SGSM1: variants seen among roughly 807,000 people sequenced by gnomAD.
SGSM1 encodes the protein RUN and TBC1 domain containing 2.
Under a neutral mutation model 133.8 loss-of-function variants are expected in SGSM1, and 73 were observed. The observed-to-expected ratio is 0.55, with a 90% CI of 0.45 to 0.66. The LOEUF (loss-of-function observed/expected upper bound fraction) is 0.66. Among genes scored for constraint, SGSM1 ranks in the 30% least tolerant of loss-of-function variants. SGSM1 has a pLI of 0.00. For synonymous variants in SGSM1, 563 were observed against 573.0 expected (o/e 0.98, Z 0.25); for missense variants, 1,213 against 1,448.1 (o/e 0.84, Z 2.64).
At chr22:24,822,778 T>A (rs1239731553) in intron 2 of SGSM1, among the ~76,000 whole-genome samples, 1 of 152,016 alleles carries the variant, frequency 6.6e-6, no homozygotes, top group Non-Finnish European at 1.5e-5. Context: ...GCCACTGGGG[T>A]CTCCACTGCA....
chr22:24,886,243 A>G (rs550582542), intron 15 of SGSM1, among the ~76,000 whole-genome samples: 9 of 148,712 alleles, frequency 6.1e-5, no homozygotes, highest in Middle Eastern at 7.4e-3. Flanking sequence ...TCTACTAAAA[A>G]TACAAAAATT....
intron 21 of SGSM1, among the ~76,000 whole-genome samples, chr22:24,911,744 T>C (rs1329625858): frequency 3.3e-5 from 5 of 152,172 alleles, no homozygotes; most frequent in African/African-American, 1.2e-4. Flanking sequence ...CAAAAATACC[T>C]GACCAGTACG....
intron 6 of SGSM1, 27 bp from the exon 7 acceptor site, chr22:24,855,258 G>C (rs1434531849): frequency 1.3e-6 from 2 of 1,597,954 alleles, no homozygotes; most frequent in Non-Finnish European, 8.5e-7. Flanking sequence ...CGGGGCAGTG[G>C]GTTTCCAGCC....
intron 14 of SGSM1, among the ~76,000 whole-genome samples, chr22:24,883,417 C>T (rs1317661211): frequency 6.6e-6 from 1 of 152,188 alleles, no homozygotes; most frequent in Non-Finnish European, 1.5e-5. Flanking sequence ...AGAGGCACAG[C>T]AAGCCCACAG....
intron 5 of SGSM1, among the ~76,000 whole-genome samples, chr22:24,851,143 G>A (rs1930442965): frequency 6.6e-6 from 1 of 151,508 alleles, no homozygotes; most frequent in Non-Finnish European, 1.5e-5. Context: ...TGCATGGTGA[G>A]CCTTTTTAAC....
rs1932480750 is a variant in SGSM1, at chr22:24,884,137, C to T, written c.1580C>T (p.Pro527Leu). 1 of 1,613,908 alleles carries T rather than the reference C, an allele frequency of 6.2e-7. No homozygotes were observed. The highest frequency in any genetic ancestry group is 1.3e-5 in the African/African-American group (1 of 75,032). ...CACATGATCGTGTCTCCAGACTTGC[C>T]CTGCGATGCTGGACAGGGACTGACA... ...VNHMIVSPDLPCDAGQGLTAR... is the reference protein window; with the variant it reads ...VNHMIVSPDLLCDAGQGLTAR... The change falls in exon 15 of 25, where the codon CCC (proline) becomes CTC (leucine). Residue 527 changes from proline to leucine, a missense_variant. By Grantham distance (98) the Pro-to-Leu change is moderately conservative. Coordinates refer to ENST00000400358, the MANE Select transcript of SGSM1 (RefSeq NM_001098497.3).
intron 2 of SGSM1, among the ~76,000 whole-genome samples, chr22:24,808,431 A>G (rs539866817): frequency 2.0e-5 from 3 of 152,274 alleles, no homozygotes; most frequent in African/African-American, 7.2e-5. Context: ...TCTTTTCAAT[A>G]GAACTCACAG....
chr22:24,885,395 A>G (rs1431104726), intron 15 of SGSM1, among the ~76,000 whole-genome samples: 1 of 148,582 alleles, frequency 6.7e-6, no homozygotes, highest in Non-Finnish European at 1.5e-5. Context: ...TAGTTTTACA[A>G]CTTATTTTTT....
At chr22:24,901,992 G>A in intron 20 of SGSM1, 35 bp downstream of exon 20, 2 of 653,982 alleles carry the variant, frequency 3.1e-6, no homozygotes, top group Non-Finnish European at 2.4e-6. Context: ...TAGGGGATGG[G>A]GATGGTGGGT....
chr22:24,825,602 G>A (rs527581611), intron 2 of SGSM1, among the ~76,000 whole-genome samples: 2 of 152,136 alleles, frequency 1.3e-5, no homozygotes, highest in African/African-American at 4.8e-5. Flanking sequence ...GCTAATTTTT[G>A]TATTTTTAGT....
In SGSM1 at chr22:24,847,759, C is replaced by T. The variant is rs571240960; in HGVS notation, c.265C>T (p.Arg89Cys). The change falls in exon 4 of 25, where the codon CGC becomes TGC. Residue 89 changes from arginine to cysteine, a missense_variant. Coordinates refer to ENST00000400358, the MANE Select transcript of SGSM1 (RefSeq NM_001098497.3). ...KNFPPAEDLS[R>C]KVQDLEQLIE... is the part of the protein sequence containing the mutation. The stretch of plus-strand genomic sequence containing the variant: ...CTTCCCGCCGGCTGAGGATCTGAGC[C>T]GCAAGGTGCAAGACCTGGAGCAGCT... 67 of 1,613,884 alleles carry T rather than the reference C, an allele frequency of 4.2e-5. No homozygotes were observed. Among genetic ancestry groups the T allele is most frequent in the Non-Finnish European group, 5.2e-5 (61 of 1,179,870 alleles).
Position 24,879,480 on chromosome 22 carries a change from C to G in SGSM1, c.1449C>G (p.Leu483=), listed in dbSNP as rs1209410084. The part of the protein sequence containing the change: ...CNHERAPLKL[L]CDNMKYQILS... ...CCTGCAGGGCTCCCCTGAAACTTCT[C>G]TGTGACAATATGAAGTACCAGATCC... The change falls in exon 14 of 25, where the codon CTC becomes CTG. Residue 483 remains leucine, a synonymous_variant. Coordinates refer to ENST00000400358, the MANE Select transcript of SGSM1 (RefSeq NM_001098497.3). 6.2e-7 allele frequency: 1 copy of G among 1,613,812 alleles called. No homozygotes were observed. The highest frequency in any genetic ancestry group is 2.2e-5 in the East Asian group (1 of 44,876).
At chr22:24,823,431 C>G (rs1242032866) in intron 2 of SGSM1, among the ~76,000 whole-genome samples, 1 of 151,344 alleles carries the variant, frequency 6.6e-6, no homozygotes, top group Non-Finnish European at 1.5e-5. Flanking sequence ...GAAACCCTGT[C>G]TCTAATAAAA....
intron 2 of SGSM1, among the ~76,000 whole-genome samples, chr22:24,816,023 A>G (rs1928054049): frequency 6.6e-6 from 1 of 152,226 alleles, no homozygotes; most frequent in Non-Finnish European, 1.5e-5. Context: ...TAGTTGGGCC[A>G]GTTTCAGTGA....
chr22:24,873,302 G>C (rs1931856827), intron 12 of SGSM1, among the ~76,000 whole-genome samples: 2 of 152,006 alleles, frequency 1.3e-5, no homozygotes, highest in African/African-American at 4.8e-5. Context: ...TCTAGCGTGG[G>C]GTTTCTCAGC....
chr22:24,924,589 CTCT>C lies in SGSM1; in HGVS notation c.*323_*325del. On this transcript the variant is annotated 3_prime_UTR_variant, in exon 25 of 25. Transcript: ENST00000400358. The stretch of plus-strand genomic sequence containing the variant: ...GTTTGCTGGTGCCCGGAATGGTCTC[CTCT>C]TCTTCTTTCCCTATCCCTCCAAACT... The C allele has an allele frequency of 5.1e-6, 2 of 394,986 alleles. No homozygotes were observed. The highest frequency in any genetic ancestry group is 9.4e-6 in the Non-Finnish European group (2 of 212,848). 24.5% of individuals were successfully genotyped at this position (394,986 alleles called of 1,614,324 possible).
chr22:24,906,744 C>T (rs979502803), intron 21 of SGSM1, among the ~76,000 whole-genome samples: 2 of 152,006 alleles, frequency 1.3e-5, no homozygotes, highest in African/African-American at 4.8e-5. Context: ...ACCAGCCTGA[C>T]CAACAAGGTG....
At chr22:24,839,087 G>A (rs1001451882) in intron 2 of SGSM1, among the ~76,000 whole-genome samples, 18 of 152,134 alleles carry the variant, frequency 1.2e-4, no homozygotes, top group African/African-American at 4.3e-4. Context: ...ATAGAGTCTT[G>A]CTCATTTGTC....
At chr22:24,911,870 C>G (rs751202511) in intron 21 of SGSM1, among the ~76,000 whole-genome samples, 1 of 152,004 alleles carries the variant, frequency 6.6e-6, no homozygotes, top group Non-Finnish European at 1.5e-5. Flanking sequence ...CTGGCTAACA[C>G]GGTGAAACCC....
Sources: allele counts gnomAD v4.1 joint callset (sites outside exome capture counted in the v4.1 genomes callset), GRCh38; gene constraint gnomAD v4.1.1; transcripts MANE v1.5; gene names NCBI Gene and HGNC (gene_info 2026-07-23, HGNC 2026-07-21).